Variants in XKR9 observed in about 807,000 individuals in gnomAD.
The protein encoded by XKR9 is XK related 9.
Under a neutral mutation model 32.0 loss-of-function variants are expected in XKR9, and 32 were observed. That is an observed-to-expected ratio of 1.00 (90% CI 0.76 to 1.34). XKR9 has a LOEUF of 1.34. Among genes scored for constraint, XKR9 ranks in the 40% most tolerant of loss-of-function variants. XKR9 has a pLI of 0.00. For synonymous variants in XKR9, 168 were observed against 143.4 expected (o/e 1.17, Z -1.22); for missense variants, 546 against 429.7 (o/e 1.27, Z -2.39).
Position 70,687,312 on chromosome 8 carries a change from C to CTCTTTCTTTCTTTCTTTCTTTCTTTCTT in XKR9, c.272+6002_272+6029dup, listed in dbSNP as rs57039682. Reference sequence around the variant, plus strand: ...ATGACAGGATTTCTTTCTCTCCTCCCTCTTTCTTTCTTTCTTTCTTTCTTT... The same window carrying CTCTTTCTTTCTTTCTTTCTTTCTTTCTT: ...ATGACAGGATTTCTTTCTCTCCTCCCTCTTTCTTTCTTTCTTTCTTTCTTTCTTTCTTTCTTTCTTTCTTTCTTTCTTT... On this transcript the variant is annotated intron_variant, in intron 3 of 4. Coordinates refer to ENST00000408926, the MANE Select transcript of XKR9 (RefSeq NM_001011720.2). Among the ~76,000 whole-genome samples, 5 of 138,356 alleles carry CTCTTTCTTTCTTTCTTTCTTTCTTTCTT rather than the reference C, an allele frequency of 3.6e-5. No individual in the cohort carries two copies. In the South Asian group the frequency reaches 7.4e-4, roughly 20 times the overall value. The allele number at this position is 138,356 out of a possible 152,430, so 90.8% of individuals were successfully genotyped here. A position where few individuals can be genotyped will look rare whatever the true frequency, so the allele number is the denominator to read the frequency against.
the XKR9 span, among the ~76,000 whole-genome samples, chr8:70,845,423 T>C: frequency 1.3e-5 from 2 of 151,986 alleles, no homozygotes; most frequent in Non-Finnish European, 1.5e-5. Flanking sequence ...ACAATAATTC[T>C]CTGCAAAGGA....
the XKR9 span, among the ~76,000 whole-genome samples, chr8:70,831,023 G>A: frequency 6.6e-6 from 1 of 152,170 alleles, no homozygotes; most frequent in Non-Finnish European, 1.5e-5. Flanking sequence ...AGACATGGTG[G>A]CTCACACCTG....
chr8:70,939,032 A>G, the XKR9 span, among the ~76,000 whole-genome samples: 2 of 150,352 alleles, frequency 1.3e-5, no homozygotes, highest in African/African-American at 2.5e-5. Flanking sequence ...TAAGAAAGAG[A>G]TTTCATCATT....
the XKR9 span, among the ~76,000 whole-genome samples, chr8:70,857,764 G>A: frequency 1.3e-4 from 20 of 152,044 alleles, no homozygotes; most frequent in Admixed American, 2.6e-4. Flanking sequence ...AAGCTTATCC[G>A]CCATGATCAA....
At chr8:70,973,633 G>A in the XKR9 span, among the ~76,000 whole-genome samples, 1 of 152,072 alleles carries the variant, frequency 6.6e-6, no homozygotes, top group Non-Finnish European at 1.5e-5. Flanking sequence ...TGCTTTTGCT[G>A]TATCCCAATG....
intron 2 of XKR9, among the ~76,000 whole-genome samples, chr8:70,745,892 C>T (rs1316440322): frequency 6.6e-6 from 1 of 152,152 alleles, no homozygotes; most frequent in Non-Finnish European, 1.5e-5. Flanking sequence ...TATAATGCAT[C>T]TCTAACTCTG....
the XKR9 span, among the ~76,000 whole-genome samples, chr8:70,937,345 T>C: frequency 1.3e-5 from 2 of 152,036 alleles, no homozygotes; most frequent in African/African-American, 4.8e-5. Context: ...ATTTAACACA[T>C]GATTTAACTG....
intron 3 of XKR9, among the ~76,000 whole-genome samples, chr8:70,686,070 C>T (rs1188197148): frequency 6.6e-6 from 1 of 151,764 alleles, no homozygotes; most frequent in East Asian, 1.9e-4. Context: ...TCTATTTTAA[C>T]GTTTCTTGCA....
chr8:70,993,344 C>T, the XKR9 span, among the ~76,000 whole-genome samples: 1 of 152,106 alleles, frequency 6.6e-6, no homozygotes, highest in African/African-American at 2.4e-5. Flanking sequence ...CTTTACTCTT[C>T]TTGTTATTAG....
chr8:70,751,779 C>T (rs1411032475), intron 2 of XKR9, among the ~76,000 whole-genome samples: 1 of 152,154 alleles, frequency 6.6e-6, no homozygotes, highest in African/African-American at 2.4e-5. Flanking sequence ...ATTCTGAGGT[C>T]TTTGGGCTCG....
chr8:70,739,860 T>C (rs1165354679), downstream of XKR9, among the ~76,000 whole-genome samples: 1 of 152,212 alleles, frequency 6.6e-6, no homozygotes, highest in East Asian at 1.9e-4. Context: ...TGGGCTTCCC[T>C]TTGTGGGTAA....
the XKR9 span, among the ~76,000 whole-genome samples, chr8:71,015,683 C>A: frequency 2.6e-5 from 4 of 151,676 alleles, no homozygotes; most frequent in Non-Finnish European, 4.4e-5. Context: ...AATCATACAC[C>A]AGAGAAATGT....
intron 4 of XKR9, among the ~76,000 whole-genome samples, chr8:70,713,035 T>G (rs1164862777): frequency 6.6e-6 from 1 of 152,158 alleles, no homozygotes; most frequent in Non-Finnish European, 1.5e-5. Flanking sequence ...AAGTATCCTA[T>G]TATGTTTAAA....
intron 3 of XKR9, among the ~76,000 whole-genome samples, chr8:70,693,681 T>C (rs769803844): frequency 6.6e-6 from 1 of 152,200 alleles, no homozygotes; most frequent in Non-Finnish European, 1.5e-5. Flanking sequence ...CTCAGTGCAG[T>C]CAGCCCAAGA....
chr8:70,803,105 G>A, the XKR9 span, among the ~76,000 whole-genome samples: 1 of 152,016 alleles, frequency 6.6e-6, no homozygotes, highest in Non-Finnish European at 1.5e-5. Context: ...CATAGATTTG[G>A]TCTCTTTATG....
chr8:70,831,712 G>T, the XKR9 span, among the ~76,000 whole-genome samples: 2 of 152,010 alleles, frequency 1.3e-5, no homozygotes, highest in Non-Finnish European at 2.9e-5. Flanking sequence ...TTAGATCCAG[G>T]ATGCTTCATA....
the XKR9 span, among the ~76,000 whole-genome samples, chr8:71,042,958 C>G: frequency 4.6e-5 from 7 of 152,064 alleles, no homozygotes; most frequent in African/African-American, 1.7e-4. Context: ...ACAATGGAAC[C>G]ATTTGTTAGA....
At chr8:70,714,496 T>C (rs973376985) in intron 4 of XKR9, among the ~76,000 whole-genome samples, 112 of 152,162 alleles carry the variant, frequency 7.4e-4, no homozygotes, top group African/African-American at 2.5e-3. Context: ...TTTCATAGAA[T>C]AGAAAAAATA....
chr8:70,923,535 C>G, the XKR9 span, among the ~76,000 whole-genome samples: 1 of 152,226 alleles, frequency 6.6e-6, no homozygotes, highest in Non-Finnish European at 1.5e-5. Flanking sequence ...GGGCCCTTCC[C>G]AGGTTCTGAG....
Sources: allele counts gnomAD v4.1 joint callset (sites outside exome capture counted in the v4.1 genomes callset), GRCh38; gene constraint gnomAD v4.1.1; transcripts MANE v1.5; gene names NCBI Gene and HGNC (gene_info 2026-07-23, HGNC 2026-07-21).